Variants in AGAP1 observed in about 807,000 individuals in gnomAD.
The protein encoded by AGAP1 is ArfGAP with GTPase domain, ankyrin repeat and PH domain 1, also known as arf-GAP with GTPase, ANK repeat and PH domain-containing protein 1.
In AGAP1, 29 loss-of-function variants were observed where a neutral mutation model predicts 105.3. The observed-to-expected ratio is 0.28, with a 90% confidence interval of 0.21 to 0.38. AGAP1 has a LOEUF of 0.38. Among genes scored for constraint, AGAP1 ranks in the 10% least tolerant of loss-of-function variants. The pLI is 1.00. For synonymous variants in AGAP1, 509 were observed against 485.9 expected (o/e 1.05, Z -0.63); for missense variants, 998 against 1,165.1 (o/e 0.86, Z 2.09).
rs1465878397 is a variant in AGAP1, at chr2:236,055,564, C to T, written c.2114+6283C>T. On this transcript the variant is annotated intron_variant, in intron 16 of 17. Transcript: ENST00000304032. The surrounding 1 kb of genome is among the most constrained non-coding windows in gnomAD (Gnocchi z 6.2). ...TCACCGCGGCGTGCTTGTCAGTGGG[C>T]CTGCCCTGGCCCCAGCCGCAGAGCG... is the stretch of plus-strand genomic sequence containing the variant. Among the ~76,000 whole-genome samples, 1 of 152,230 alleles carries T rather than the reference C, an allele frequency of 6.6e-6. No homozygotes were observed. Among genetic ancestry groups the T allele is most frequent in the Non-Finnish European group, 1.5e-5 (1 of 68,040 alleles).
In AGAP1 at chr2:235,790,480, C is replaced by T. The variant is rs977048437; in HGVS notation, c.674-7279C>T. 1.5e-4 allele frequency among the ~76,000 whole-genome samples: 23 copies of T among 152,172 alleles called. 1 individual carries two copies. ...CCTCCGCTCCCCACACCCCTGCACA[C>T]TCCCTTTCTTGAGTGTCCAGGTAGA... On this transcript the variant is annotated intron_variant, in intron 6 of 17. Transcript: ENST00000304032.
In AGAP1 at chr2:235,552,337, A is replaced by G. The variant is rs115344239; in HGVS notation, c.163+57488A>G. On this transcript the variant is annotated intron_variant, in intron 1 of 17. Coordinates refer to ENST00000304032, the MANE Select transcript of AGAP1 (RefSeq NM_001037131.3). This position sits in a 1 kb window ranked among gnomAD's most constrained non-coding sequence, Gnocchi z 5.9. ...ATAACTGGAAGTAGCTTAGGAAGCC[A>G]GGTTTGGAGTGCTGCCTTGGTGTCG... 2.4e-3 allele frequency among the ~76,000 whole-genome samples: 373 copies of G among 152,356 alleles called. 1 individual carries two copies. The highest frequency in any genetic ancestry group is 8.6e-3 in the African/African-American group (358 of 41,586).
chr2:235,985,342 G>T (rs1352646296), intron 13 of AGAP1, among the ~76,000 whole-genome samples: 2 of 152,136 alleles, frequency 1.3e-5, no homozygotes, highest in African/African-American at 4.8e-5. Context: ...GTGGATTCTG[G>T]GTATTAGCCC....
intron 1 of AGAP1, among the ~76,000 whole-genome samples, chr2:235,594,834 A>C (rs1242507385): frequency 1.3e-5 from 2 of 149,256 alleles, no homozygotes; most frequent in Non-Finnish European, 3.0e-5. Flanking sequence ...TCGGCCTCCC[A>C]GAGTGCTGGG....
At position 236,001,064 on chromosome 2, in the gene AGAP1, G is replaced by A. The variant is rs13427807; in HGVS notation, c.1645+32441G>A. On this transcript the variant is annotated intron_variant, in intron 13 of 17. Transcript: ENST00000304032. This position sits in a 1 kb window ranked among gnomAD's most constrained non-coding sequence, Gnocchi z 4.7. ...CTCATATGGAACTAGGGTCATGGCA[G>A]ATGTCATTAGCTATACAGGAGGGGA... Among the ~76,000 whole-genome samples the A allele has an allele frequency of 5.2e-3, 787 of 152,348 alleles. 10 individuals carry two copies. The highest frequency in any genetic ancestry group is 0.017 in the African/African-American group (723 of 41,576).
At chr2:236,117,365 G>A (rs768278165) in intron 16 of AGAP1, among the ~76,000 whole-genome samples, 16 of 152,200 alleles carry the variant, frequency 1.1e-4, no homozygotes, top group Non-Finnish European at 1.5e-4. Context: ...ATGTGTATCA[G>A]CTTGTCAGTT....
rs567298776 is a variant in AGAP1 at position 235,904,602 on chromosome 2, G to A, written c.1156-4136G>A. Among the ~76,000 whole-genome samples, 5 of 152,288 alleles carry A rather than the reference G, an allele frequency of 3.3e-5. No homozygotes were observed. The highest frequency in any genetic ancestry group is 1.3e-4 in the Admixed American group (2 of 15,304). ...AGGAACATGGAGAAGGGTAGTATCT[G>A]TAACATTTGCATATCAAAATCAAGC... is the stretch of plus-strand genomic sequence containing the variant. On this transcript the variant is annotated intron_variant, in intron 10 of 17. Coordinates refer to ENST00000304032, the MANE Select transcript of AGAP1 (RefSeq NM_001037131.3). This position sits in a 1 kb window ranked among gnomAD's most constrained non-coding sequence, Gnocchi z 4.2.
At chr2:236,074,019 A>G (rs902112731) in intron 16 of AGAP1, among the ~76,000 whole-genome samples, 3 of 152,174 alleles carry the variant, frequency 2.0e-5, no homozygotes, top group African/African-American at 7.2e-5. Flanking sequence ...GGACATTTGG[A>G]AATGCCTGGA....
At chr2:235,654,163 A>G (rs1226074995) in intron 1 of AGAP1, among the ~76,000 whole-genome samples, 3 of 152,244 alleles carry the variant, frequency 2.0e-5, no homozygotes, top group Non-Finnish European at 4.4e-5. Flanking sequence ...CTTTAGGTTC[A>G]TTCGTTGCTT....
intron 6 of AGAP1, among the ~76,000 whole-genome samples, chr2:235,775,505 AAAAG>A (rs1955792143): frequency 6.6e-6 from 1 of 152,198 alleles, no homozygotes. Flanking sequence ...TTAAAGACAA[AAAAG>A]AAAAATAAAT....
chr2:236,007,080 TA>T (rs1432788514), intron 13 of AGAP1, among the ~76,000 whole-genome samples: 1 of 546 alleles, frequency 1.8e-3, no homozygotes, highest in Non-Finnish European at 2.6e-3. Flanking sequence ...TGTGAGTGTT[TA>T]AAGGAAGGAT....
rs999380636 is a variant in AGAP1, at chr2:235,610,190, C to G, written c.164-98989C>G. ...CTGTGTTGACTGCTACCCGATAGAG[C>G]CACAGTCATCCTGTGTGCCTGCTTG... On this transcript the variant is annotated intron_variant, in intron 1 of 17. Coordinates refer to ENST00000304032, the MANE Select transcript of AGAP1 (RefSeq NM_001037131.3). The surrounding 1 kb of genome is among the most constrained non-coding windows in gnomAD (Gnocchi z 4.9). 6.6e-6 allele frequency among the ~76,000 whole-genome samples: 1 copy of G among 152,134 alleles called. No homozygotes were observed. The highest frequency in any genetic ancestry group is 1.5e-5 in the Non-Finnish European group (1 of 68,028).
At chr2:235,800,069 T>G (rs539205834) in intron 8 of AGAP1, among the ~76,000 whole-genome samples, 1 of 151,608 alleles carries the variant, frequency 6.6e-6, no homozygotes, top group Non-Finnish European at 1.5e-5. Flanking sequence ...GTTTATAAAT[T>G]CACAATCTGG....
chr2:235,653,322 G>A (rs1014418725), intron 1 of AGAP1, among the ~76,000 whole-genome samples: 1 of 151,778 alleles, frequency 6.6e-6, no homozygotes, highest in African/African-American at 2.4e-5. Context: ...AAATTAGCCT[G>A]GTGTGGTGGC....
intron 1 of AGAP1, among the ~76,000 whole-genome samples, chr2:235,644,597 C>T (rs1185728636): frequency 6.6e-6 from 1 of 152,110 alleles, no homozygotes; most frequent in Non-Finnish European, 1.5e-5. Context: ...TCAAACATCC[C>T]TGTTGGGCTA....
chr2:235,624,286 A>G (rs1379216639), intron 1 of AGAP1, among the ~76,000 whole-genome samples: 2 of 152,208 alleles, frequency 1.3e-5, no homozygotes, highest in African/African-American at 4.8e-5. Context: ...ACCTACAGAT[A>G]CAGTGGAAGT....
chr2:235,975,009 C>G (rs1367215945), intron 13 of AGAP1, among the ~76,000 whole-genome samples: 1 of 152,220 alleles, frequency 6.6e-6, no homozygotes, highest in African/African-American at 2.4e-5. Flanking sequence ...CACAAATACA[C>G]ACTGAGTTGT....
intron 1 of AGAP1, among the ~76,000 whole-genome samples, chr2:235,699,244 A>C (rs1415320409): frequency 6.6e-6 from 1 of 151,936 alleles, no homozygotes; most frequent in African/African-American, 2.4e-5. Context: ...GGTCAGGGGG[A>C]TGGGGGTCTA....
intron 11 of AGAP1, among the ~76,000 whole-genome samples, chr2:235,924,262 G>C (rs2052336778): frequency 6.6e-6 from 1 of 152,092 alleles, no homozygotes; most frequent in Non-Finnish European, 1.5e-5. Flanking sequence ...AAGTCTAAAA[G>C]CTGCAGTGTC....
Sources: allele counts gnomAD v4.1 joint callset (sites outside exome capture counted in the v4.1 genomes callset), GRCh38; gene constraint gnomAD v4.1.1; non-coding constraint Gnocchi (gnomAD v3.1); transcripts MANE v1.5; gene names NCBI Gene and HGNC (gene_info 2026-07-23, HGNC 2026-07-21).